Variants in ARHGAP24 observed in about 807,000 individuals in gnomAD.
The protein encoded by ARHGAP24 is Rho GTPase activating protein 24.
A neutral mutation model predicts 76.4 loss-of-function variants in ARHGAP24; 50 were observed. The ratio of observed to expected loss-of-function variants is 0.65; its 90% CI spans 0.52 to 0.83. The LOEUF (loss-of-function observed/expected upper bound fraction) is 0.83, where lower values mean the gene tolerates loss of function less well. Among genes scored for constraint, ARHGAP24 ranks in the 40% least tolerant of loss-of-function variants. The pLI, the probability that ARHGAP24 is intolerant of heterozygous loss-of-function variation, is 0.00. For synonymous variants in ARHGAP24, 345 were observed against 323.3 expected (o/e 1.07, Z -0.72); for missense variants, 930 against 914.2 (o/e 1.02, Z -0.22).
At chr4:85,919,863 G>T (rs187771910) in intron 3 of ARHGAP24, among the ~76,000 whole-genome samples, 2 of 152,062 alleles carry the variant, frequency 1.3e-5, no homozygotes, top group Non-Finnish European at 2.9e-5. Flanking sequence ...AATATTTTGG[G>T]CCCGATACTG....
rs556082819 is a variant in ARHGAP24, at chr4:85,828,857, A to T, written c.269-94791A>T. Among the ~76,000 whole-genome samples the T allele has an allele frequency of 5.3e-3, 808 of 152,248 alleles. 3 individuals are homozygous for T. Among genetic ancestry groups the T allele is most frequent in the Non-Finnish European group, 7.9e-3 (540 of 68,016 alleles). On this transcript the variant is annotated intron_variant, in intron 3 of 9. Coordinates refer to ENST00000395184, the MANE Select transcript of ARHGAP24 (RefSeq NM_001025616.3). ...ACTTTTTAAATATCTAAATAAATAT[A>T]TAGGAGGTTTGTATTTCTGAGACTC... is the stretch of plus-strand genomic sequence containing the variant.
intron 2 of ARHGAP24, among the ~76,000 whole-genome samples, chr4:85,599,315 G>A (rs1009137246): frequency 6.6e-6 from 1 of 152,102 alleles, no homozygotes; most frequent in African/African-American, 2.4e-5. Flanking sequence ...TGTCTAAGAG[G>A]CCAGAACTGT....
At chr4:85,577,247 A>G (rs1727417934) in intron 2 of ARHGAP24, among the ~76,000 whole-genome samples, 1 of 149,814 alleles carries the variant, frequency 6.7e-6, no homozygotes, top group Non-Finnish European at 1.5e-5. Flanking sequence ...AAATATATAT[A>G]TAATAGATCC....
At chr4:85,996,230 T>C (rs1225832020) in intron 9 of ARHGAP24, among the ~76,000 whole-genome samples, 1 of 152,188 alleles carries the variant, frequency 6.6e-6, no homozygotes, top group African/African-American at 2.4e-5. Context: ...ATTTTCAGCC[T>C]TTGACTTTTA....
intron 3 of ARHGAP24, among the ~76,000 whole-genome samples, chr4:85,885,162 G>C (rs1733487035): frequency 6.6e-6 from 1 of 151,898 alleles, no homozygotes; most frequent in Non-Finnish European, 1.5e-5. Context: ...TTTCTTTTTG[G>C]TACATATTAG....
chr4:85,553,018 G>A (rs1234873493), intron 1 of ARHGAP24, among the ~76,000 whole-genome samples: 5 of 152,072 alleles, frequency 3.3e-5, no homozygotes, highest in African/African-American at 1.2e-4. Context: ...GTCCAGAGTT[G>A]CTCATTCCTC....
chr4:85,931,707 A>AT (rs1736343584), intron 4 of ARHGAP24, among the ~76,000 whole-genome samples: 1 of 152,200 alleles, frequency 6.6e-6, no homozygotes, highest in African/African-American at 2.4e-5. Context: ...GAATTGACTT[A>AT]TTTGGGGGGA....
In ARHGAP24 at chr4:85,570,708, A is replaced by T. The variant is rs149415202; in HGVS notation, c.167A>T (p.Glu56Val). The change falls in exon 2 of 10, where the codon GAA (glutamate) becomes GTA (valine). Residue 56 changes from glutamate to valine, a missense_variant. Physicochemically the swap from Glu to Val is moderately radical, Grantham distance 121. Coordinates refer to ENST00000395184, the MANE Select transcript of ARHGAP24 (RefSeq NM_001025616.3). ...CTCTATTATTTCAAAGATGAAGATG[A>T]AACCAAGCCCTTGGTGAGTAGGAGA... ...DQLYYFKDED[E>V]TKPLGTIFLP... is the part of the protein sequence containing the mutation. 2.5e-6 allele frequency: 4 copies of T among 1,613,990 alleles called. No individual in the cohort carries two copies. In the South Asian group the frequency reaches 4.4e-5, roughly 18 times the overall value.
chr4:85,760,790 A>G (rs1020381209), intron 3 of ARHGAP24, among the ~76,000 whole-genome samples: 17 of 152,200 alleles, frequency 1.1e-4, no homozygotes, highest in African/African-American at 3.6e-4. Flanking sequence ...CCATTCTTAC[A>G]TATTGCATTC....
At chr4:85,959,025 G>A (rs998311406) in intron 5 of ARHGAP24, among the ~76,000 whole-genome samples, 10 of 152,202 alleles carry the variant, frequency 6.6e-5, no homozygotes, top group African/African-American at 9.6e-5. Context: ...GATTCAGGGC[G>A]AGTCCGTAGA....
intron 3 of ARHGAP24, among the ~76,000 whole-genome samples, chr4:85,738,863 G>A (rs1183565122): frequency 6.6e-6 from 1 of 152,152 alleles, no homozygotes; most frequent in South Asian, 2.1e-4. Context: ...TAAAGGATGA[G>A]TTTTTCTCCC....
At chr4:85,512,058 G>T (rs1436830169) in intron 1 of ARHGAP24, among the ~76,000 whole-genome samples, 1 of 152,160 alleles carries the variant, frequency 6.6e-6, no homozygotes, top group African/African-American at 2.4e-5. Flanking sequence ...AACTATGTTT[G>T]CCACAAACCT....
At chr4:85,787,963 G>C (rs1035706279) in intron 3 of ARHGAP24, among the ~76,000 whole-genome samples, 1 of 152,134 alleles carries the variant, frequency 6.6e-6, no homozygotes, top group Non-Finnish European at 1.5e-5. Context: ...TTAGAAATGG[G>C]TGTCTAAGAA....
chr4:85,537,078 G>T (rs1257100665), intron 1 of ARHGAP24, among the ~76,000 whole-genome samples: 1 of 152,016 alleles, frequency 6.6e-6, no homozygotes, highest in African/African-American at 2.4e-5. Context: ...CATTACTGAG[G>T]ACTACAGTAT....
At chr4:85,705,548 G>A (rs191313109) in intron 2 of ARHGAP24, among the ~76,000 whole-genome samples, 43 of 152,322 alleles carry the variant, frequency 2.8e-4, no homozygotes, top group Admixed American at 2.3e-3. Flanking sequence ...TATGTAGATA[G>A]GGAAGGTTAT....
At chr4:85,638,782 A>G (rs1332452143) in intron 2 of ARHGAP24, among the ~76,000 whole-genome samples, 2 of 152,152 alleles carry the variant, frequency 1.3e-5, no homozygotes, top group Non-Finnish European at 1.5e-5. Context: ...ACTACTGAAC[A>G]CCCTGTTCTT....
chr4:85,739,600 A>C (rs1725740488), intron 3 of ARHGAP24, among the ~76,000 whole-genome samples: 1 of 147,752 alleles, frequency 6.8e-6, no homozygotes, highest in African/African-American at 2.5e-5. Flanking sequence ...TATCGTGAAA[A>C]CTCCACGTTC....
At chr4:85,777,309 C>T (rs954864745) in intron 3 of ARHGAP24, among the ~76,000 whole-genome samples, 3 of 152,058 alleles carry the variant, frequency 2.0e-5, no homozygotes, top group South Asian at 4.1e-4. Context: ...TAAAAGTAGA[C>T]GAGAAATATT....
intron 2 of ARHGAP24, among the ~76,000 whole-genome samples, chr4:85,571,255 GTC>G (rs1426637024): frequency 2.0e-5 from 3 of 152,166 alleles, no homozygotes; most frequent in African/African-American, 7.2e-5. Flanking sequence ...TCTGTGAATA[GTC>G]TCTGTTGCTT....
Sources: gnomAD v4.1 joint callset for allele counts (sites outside exome capture counted in the v4.1 genomes callset) on GRCh38, gnomAD v4.1.1 for gene constraint, MANE v1.5 for transcripts, NCBI Gene and HGNC (gene_info 2026-07-23, HGNC 2026-07-21) for gene names.